Variants in KIAA1549L observed in about 807,000 individuals in gnomAD.
KIAA1549L encodes UPF0606 protein KIAA1549L.
KIAA1549L carries 88 observed loss-of-function variants against 160.7 expected under a neutral mutation model. That is an observed-to-expected ratio of 0.55 (90% CI 0.46 to 0.65). The LOEUF is 0.65. Among genes scored for constraint, KIAA1549L ranks in the 30% least tolerant of loss-of-function variants. KIAA1549L has a pLI of 0.00. For synonymous variants in KIAA1549L, 950 were observed against 976.7 expected, an observed-to-expected ratio of 0.97 and a Z score of 0.51; for missense variants, 2,258 against 2,437.5, an observed-to-expected ratio of 0.93 and a Z score of 1.55.
In KIAA1549L at chr11:33,565,073, G is replaced by A. The variant is rs146667588; in HGVS notation, c.4079-3003G>A. 1.2e-3 allele frequency among the ~76,000 whole-genome samples: 187 copies of A among 152,268 alleles called. 2 individuals carry two copies. The highest frequency in any genetic ancestry group is 4.4e-3 in the African/African-American group (181 of 41,562). On this transcript the variant is annotated intron_variant, in intron 8 of 20. Transcript: ENST00000658780. ...CCAAGGCTGGGGGACCAGGGCCCTG[G>A]CTGATGCACTAGGGGGCTGGTGTCT...
intron 16 of KIAA1549L, among the ~76,000 whole-genome samples, chr11:33,636,810 T>G (rs1851450536): frequency 6.6e-6 from 1 of 152,204 alleles, no homozygotes; most frequent in African/African-American, 2.4e-5. Context: ...ATTTCAGGCA[T>G]CCAGTGGGGG....
chr11:33,617,916 CGGATGGAT>C (rs557656440), intron 15 of KIAA1549L, among the ~76,000 whole-genome samples: 2 of 147,018 alleles, frequency 1.4e-5, no homozygotes, highest in South Asian at 2.2e-4. Flanking sequence ...GACGGATGGA[CGGATGGAT>C]GGATGGATGG....
intron 10 of KIAA1549L, among the ~76,000 whole-genome samples, chr11:33,581,935 T>C (rs1855658331): frequency 6.6e-6 from 1 of 152,160 alleles, no homozygotes; most frequent in Non-Finnish European, 1.5e-5. Context: ...TGAACATTCT[T>C]GCTAATAAAA....
At chr11:33,546,513 C>T (rs1194876803) in intron 3 of KIAA1549L, among the ~76,000 whole-genome samples, 1 of 152,168 alleles carries the variant, frequency 6.6e-6, no homozygotes, top group Non-Finnish European at 1.5e-5. Flanking sequence ...CATCCTATTT[C>T]ACACTGCCAC....
At chr11:33,624,889 C>T (rs1312399180) in intron 16 of KIAA1549L, among the ~76,000 whole-genome samples, 1 of 147,608 alleles carries the variant, frequency 6.8e-6, no homozygotes, top group African/African-American at 2.5e-5. Context: ...GGTATATCTC[C>T]CAGTGCTATC....
At chr11:33,404,054 TG>T (rs1420086230) in intron 1 of KIAA1549L, among the ~76,000 whole-genome samples, 1 of 152,188 alleles carries the variant, frequency 6.6e-6, no homozygotes, top group African/African-American at 2.4e-5. Context: ...ATTTGAAATG[TG>T]GGCCTCTGTG....
At chr11:33,404,836 C>T (rs540602980) in intron 1 of KIAA1549L, among the ~76,000 whole-genome samples, 12 of 151,882 alleles carry the variant, frequency 7.9e-5, no homozygotes, top group East Asian at 1.9e-4. Context: ...ATGGTGAAAC[C>T]GGTCTCTAAT....
chr11:33,592,818 A>G (rs1249435491), intron 12 of KIAA1549L, among the ~76,000 whole-genome samples: 1 of 152,224 alleles, frequency 6.6e-6, no homozygotes, highest in Non-Finnish European at 1.5e-5. Flanking sequence ...CTTTTTTGAT[A>G]AAGTGACATT....
At chr11:33,520,715 ACACACAC>A (rs2133124929) in intron 1 of KIAA1549L, among the ~76,000 whole-genome samples, 1 of 147,420 alleles carries the variant, frequency 6.8e-6, no homozygotes, top group South Asian at 2.2e-4. Context: ...ACACACACAC[ACACACAC>A]ACACACACAC....
intron 1 of KIAA1549L, among the ~76,000 whole-genome samples, chr11:33,390,455 G>A (rs1221086181): frequency 5.3e-5 from 8 of 152,194 alleles, no homozygotes; most frequent in Admixed American, 5.2e-4. Context: ...CAGCCAGAGT[G>A]GGCAAGCCTC....
intron 2 of KIAA1549L, 116 bp from the exon 3 acceptor site, chr11:33,544,651 C>T (rs748906741): frequency 1.5e-6 from 2 of 1,358,410 alleles, no homozygotes; most frequent in Non-Finnish European, 2.0e-6. Context: ...CCACTGCAAG[C>T]CCAGATTGCA....
chr11:33,568,466 A>G (rs1440892844), intron 9 of KIAA1549L, among the ~76,000 whole-genome samples: 1 of 152,220 alleles, frequency 6.6e-6, no homozygotes, highest in African/African-American at 2.4e-5. Context: ...TTATAACACA[A>G]GGAAGTCTCG....
rs745851099 is a variant in KIAA1549L, at chr11:33,551,274, A to G, written c.3721+15A>G. 1 of 1,605,662 alleles carries G rather than the reference A, an allele frequency of 6.2e-7. No homozygotes were observed. ...GCTAAAAACAGGCAAGTGACTCGGAAGGAAGGGATTTTCATCCATTCTTGG... is the reference window on the plus strand; with the variant it reads ...GCTAAAAACAGGCAAGTGACTCGGAGGGAAGGGATTTTCATCCATTCTTGG... On this transcript the variant is annotated intron_variant, in intron 5 of 20. Coordinates refer to ENST00000658780, the MANE Select transcript of KIAA1549L (RefSeq NM_012194.3).
chr11:33,491,559 C>A (rs192140293), intron 1 of KIAA1549L, among the ~76,000 whole-genome samples: 2 of 152,200 alleles, frequency 1.3e-5, no homozygotes, highest in Non-Finnish European at 2.9e-5. Context: ...CCTGTATGTA[C>A]CAGGTTTTGA....
At chr11:33,583,297 G>T in intron 10 of KIAA1549L, 41 bp from the exon 11 acceptor site, 4 of 1,566,542 alleles carry the variant, frequency 2.6e-6, no homozygotes, top group Non-Finnish European at 3.5e-6. Context: ...CCTCTTCCCA[G>T]TGTTGCTTGT....
chr11:33,429,040 C>G (rs527667528), intron 1 of KIAA1549L, among the ~76,000 whole-genome samples: 1 of 152,150 alleles, frequency 6.6e-6, no homozygotes, highest in Non-Finnish European at 1.5e-5. Context: ...GGTGCAATCT[C>G]GACTCAGTGC....
At chr11:33,492,818 T>C (rs188879074) in intron 1 of KIAA1549L, among the ~76,000 whole-genome samples, 3 of 152,194 alleles carry the variant, frequency 2.0e-5, no homozygotes, top group Non-Finnish European at 4.4e-5. Context: ...TGTCATCAGA[T>C]GCATATCAAA....
intron 11 of KIAA1549L, among the ~76,000 whole-genome samples, chr11:33,585,905 C>T (rs986660202): frequency 1.3e-5 from 2 of 152,170 alleles, no homozygotes; most frequent in Admixed American, 6.5e-5. Flanking sequence ...TGATTGAATT[C>T]ACTTGTGTGC....
intron 10 of KIAA1549L, among the ~76,000 whole-genome samples, chr11:33,580,390 A>G (rs1272514263): frequency 1.3e-5 from 2 of 152,072 alleles, no homozygotes; most frequent in African/African-American, 4.8e-5. Context: ...CCTGGCTAAC[A>G]CGGAGAAACC....
Sources: gnomAD v4.1 joint callset for allele counts (sites outside exome capture counted in the v4.1 genomes callset) on GRCh38, gnomAD v4.1.1 for gene constraint, MANE v1.5 for transcripts, NCBI Gene and HGNC (gene_info 2026-07-23, HGNC 2026-07-21) for gene names.